The following COL26A1 variants were observed in gnomAD, a reference collection of about 807,000 sequenced individuals.
The protein encoded by COL26A1 is collagen alpha-1(XXVI) chain.
In COL26A1, 41 loss-of-function variants were observed where a neutral mutation model predicts 59.3. The ratio of observed to expected loss-of-function variants is 0.69; its 90% CI spans 0.54 to 0.90. The LOEUF (loss-of-function observed/expected upper bound fraction) is 0.90. Among genes scored for constraint, COL26A1 ranks in the 40% least tolerant of loss-of-function variants. COL26A1 has a pLI of 0.00. For missense variants in COL26A1, 612 were observed against 602.3 expected (o/e 1.02, Z -0.17); for synonymous variants, 266 against 256.0 (o/e 1.04, Z -0.37).
intron 3 of COL26A1, among the ~76,000 whole-genome samples, chr7:101,490,442 C>T (rs367813673): frequency 1.3e-5 from 2 of 151,726 alleles, no homozygotes; most frequent in Admixed American, 6.6e-5. Context: ...TGGCTCACAC[C>T]TGTAATCCCA....
chr7:101,507,429 G>T (rs1206169749), intron 3 of COL26A1, among the ~76,000 whole-genome samples: 1 of 151,908 alleles, frequency 6.6e-6, no homozygotes. Context: ...TTTGTTGGGT[G>T]GGGGGAGCAG....
chr7:101,532,023 C>T (rs1795380178), intron 3 of COL26A1, among the ~76,000 whole-genome samples: 1 of 152,082 alleles, frequency 6.6e-6, no homozygotes, highest in African/African-American at 2.4e-5. Context: ...CAGGGTCAGG[C>T]TTTGAAATGA....
intron 3 of COL26A1, among the ~76,000 whole-genome samples, chr7:101,468,315 TAAAAG>T (rs1308255106): frequency 4.0e-4 from 60 of 150,668 alleles, no homozygotes; most frequent in African/African-American, 1.3e-3. Context: ...AAAAAAAAAA[TAAAAG>T]AAATTATTTT....
intron 3 of COL26A1, among the ~76,000 whole-genome samples, chr7:101,466,142 G>A (rs555748339): frequency 2.0e-5 from 3 of 152,166 alleles, no homozygotes; most frequent in African/African-American, 7.2e-5. Context: ...GGCCACAGGC[G>A]TCAATAGCCT....
intron 3 of COL26A1, among the ~76,000 whole-genome samples, chr7:101,496,947 A>G (rs1255023110): frequency 1.3e-5 from 2 of 152,024 alleles, no homozygotes; most frequent in African/African-American, 4.8e-5. Flanking sequence ...AAGAAAGTAG[A>G]AGAATAAAGT....
At chr7:101,554,128 T>G (rs949964369) in intron 11 of COL26A1, among the ~76,000 whole-genome samples, 3 of 151,602 alleles carry the variant, frequency 2.0e-5, no homozygotes, top group African/African-American at 7.3e-5. Context: ...AGGACAGCAG[T>G]GATTGCCAGA....
chr7:101,425,338 T>C (rs1475810189), intron 2 of COL26A1, among the ~76,000 whole-genome samples: 2 of 152,112 alleles, frequency 1.3e-5, no homozygotes, highest in African/African-American at 4.8e-5. Context: ...CCTGGCCGAA[T>C]TGCTCATCGT....
chr7:101,525,441 A>G (rs1340351338), intron 3 of COL26A1, among the ~76,000 whole-genome samples: 2 of 150,052 alleles, frequency 1.3e-5, no homozygotes, highest in Admixed American at 6.6e-5. Flanking sequence ...TCAGCCTCCC[A>G]AAGTGCTGAG....
At chr7:101,537,176 G>A (rs1263266658) in intron 4 of COL26A1, among the ~76,000 whole-genome samples, 2 of 152,220 alleles carry the variant, frequency 1.3e-5, no homozygotes, top group African/African-American at 4.8e-5. Flanking sequence ...CTCTCCCACT[G>A]GTGCAGACCT....
chr7:101,372,178 T>A (rs1791210461), intron 1 of COL26A1, among the ~76,000 whole-genome samples: 3 of 152,146 alleles, frequency 2.0e-5, no homozygotes, highest in Admixed American at 1.3e-4. Flanking sequence ...GAGCATTTTG[T>A]TTTTTGAGAC....
At chr7:101,462,446 A>T (rs538911916) in intron 3 of COL26A1, among the ~76,000 whole-genome samples, 30 of 151,992 alleles carry the variant, frequency 2.0e-4, no homozygotes, top group African/African-American at 7.0e-4. Flanking sequence ...CCTCCTGAGT[A>T]GCTGGGATTA....
At chr7:101,463,781 C>CTTTCTCTCTCTTTCT (rs1469542878) in intron 3 of COL26A1, among the ~76,000 whole-genome samples, 1 of 111,808 alleles carries the variant, frequency 8.9e-6, no homozygotes, top group Non-Finnish European at 1.8e-5. Context: ...TTCTTTCTTT[C>CTTTCTCTCTCTTTCT]TTTCTTCCTT....
intron 2 of COL26A1, among the ~76,000 whole-genome samples, chr7:101,431,966 ATT>A (rs35468529): frequency 7.5e-5 from 10 of 133,576 alleles, no homozygotes; most frequent in Admixed American, 7.9e-5. Flanking sequence ...TAATTTTATA[ATT>A]TTTTTTTTTT....
chr7:101,363,308 TTGGGGGCGCAGGGCAGCGGGGAC>T, intron 1 of COL26A1, 118 bp downstream of exon 1: 2 of 806,452 alleles, frequency 2.5e-6, no homozygotes, highest in Non-Finnish European at 3.4e-6. Context: ...GATCCGGGAC[TTGGGGGCGCAGGGCAGCGGGGAC>T]TGGGGGCTGC....
chr7:101,469,780 G>A (rs115502202), intron 3 of COL26A1, among the ~76,000 whole-genome samples: 2,483 of 151,582 alleles, frequency 0.016, 67 homozygotes, highest in African/African-American at 0.057. Context: ...GTGAACCACC[G>A]CGCCCAGCTG....
intron 3 of COL26A1, among the ~76,000 whole-genome samples, chr7:101,481,411 TTA>T (rs200702862): frequency 2.1e-4 from 31 of 144,712 alleles, no homozygotes; most frequent in Admixed American, 1.1e-3. Context: ...TTTATCACAA[TTA>T]TATATATATA....
intron 3 of COL26A1, among the ~76,000 whole-genome samples, chr7:101,499,545 A>C (rs565833031): frequency 2.0e-5 from 3 of 152,048 alleles, no homozygotes; most frequent in African/African-American, 7.2e-5. Flanking sequence ...TTGGCTGGGC[A>C]TGGTGGCGCA....
intron 1 of COL26A1, among the ~76,000 whole-genome samples, chr7:101,372,404 C>T (rs1050573210): frequency 6.6e-6 from 1 of 152,080 alleles, no homozygotes; most frequent in Non-Finnish European, 1.5e-5. Context: ...TCAAGTGATC[C>T]ATCTGCCTTG....
intron 3 of COL26A1, among the ~76,000 whole-genome samples, chr7:101,467,522 C>G (rs901779342): frequency 1.3e-5 from 2 of 151,686 alleles, no homozygotes; most frequent in Admixed American, 6.6e-5. Flanking sequence ...GGTTCTCTAC[C>G]TGGCTGCTGC....
Sources: gnomAD v4.1 joint callset for allele counts (sites outside exome capture counted in the v4.1 genomes callset) on GRCh38, gnomAD v4.1.1 for gene constraint, MANE v1.5 for transcripts, NCBI Gene and HGNC (gene_info 2026-07-23, HGNC 2026-07-21) for gene names.